Variants in HSD17B13 observed in about 807,000 individuals in gnomAD.
The protein encoded by HSD17B13 is 17-beta-hydroxysteroid dehydrogenase 13.
In HSD17B13, 26 loss-of-function variants were observed where a neutral mutation model predicts 31.1. The observed-to-expected ratio is 0.84, with a 90% CI of 0.61 to 1.16. The LOEUF is 1.16. Among genes scored for constraint, HSD17B13 ranks in the 50% most tolerant of loss-of-function variants. The pLI, the probability that HSD17B13 is intolerant of heterozygous loss-of-function variation, is 0.00. For missense variants in HSD17B13, 374 were observed against 366.5 expected, an observed-to-expected ratio of 1.02 and a Z score of -0.17; for synonymous variants, 141 against 133.7, an observed-to-expected ratio of 1.05 and a Z score of -0.38.
intron 6 of HSD17B13, among the ~76,000 whole-genome samples, chr4:87,307,256 A>C (rs1734410526): frequency 6.6e-6 from 1 of 152,226 alleles, no homozygotes. Flanking sequence ...CCTGTTGCCT[A>C]GTTACAAACC....
chr4:87,314,019 T>C, intron 4 of HSD17B13, 59 bp from the exon 5 acceptor site: 10 of 1,352,148 alleles, frequency 7.4e-6, no homozygotes, highest in Non-Finnish European at 9.8e-6. Flanking sequence ...TCCTCAGCTT[T>C]CTGTGAGAAG....
intron 1 of HSD17B13, 112 bp from the exon 2 acceptor site, chr4:87,318,548 C>G (rs1364878084): frequency 2.5e-6 from 2 of 813,034 alleles, no homozygotes; most frequent in Non-Finnish European, 4.1e-6. Flanking sequence ...GCCTGTAATC[C>G]CAGCACTTTG....
At chr4:87,315,948 T>G (rs1175923027) in intron 3 of HSD17B13, among the ~76,000 whole-genome samples, 2 of 152,172 alleles carry the variant, frequency 1.3e-5, no homozygotes, top group East Asian at 3.9e-4. Flanking sequence ...TGTCATATAA[T>G]TTTTTGGTTT....
intron 1 of HSD17B13, among the ~76,000 whole-genome samples, chr4:87,320,547 T>C (rs1038000742): frequency 4.6e-5 from 7 of 151,856 alleles, no homozygotes; most frequent in Admixed American, 1.3e-4. Flanking sequence ...CCACTACGCC[T>C]GGCTAATTTT....
chr4:87,305,947 A>G (rs1734380842), intron 6 of HSD17B13, among the ~76,000 whole-genome samples: 1 of 152,222 alleles, frequency 6.6e-6, no homozygotes. Context: ...AATCGTAACC[A>G]TGCATTAAAA....
chr4:87,316,001 C>T (rs1734642191), intron 3 of HSD17B13, among the ~76,000 whole-genome samples: 1 of 152,110 alleles, frequency 6.6e-6, no homozygotes, highest in Admixed American at 6.6e-5. Context: ...TCTTGTGTAA[C>T]TGTATTAAGA....
chr4:87,317,644 T>TGTGA (rs1177593441), intron 2 of HSD17B13, among the ~76,000 whole-genome samples: 1 of 145,076 alleles, frequency 6.9e-6, no homozygotes, highest in Non-Finnish European at 1.5e-5. Flanking sequence ...CTTGGTCTCA[T>TGTGA]GTGATCCTTC....
intron 6 of HSD17B13, among the ~76,000 whole-genome samples, chr4:87,309,416 C>T (rs900566226): frequency 8.2e-5 from 12 of 147,016 alleles, no homozygotes; most frequent in African/African-American, 3.0e-4. Flanking sequence ...AAAAAGAACC[C>T]GTGAAATACT....
Position 87,305,229 on chromosome 4 carries a change from T to C in HSD17B13, c.892A>G (p.Lys298Glu). Residue 298 changes from lysine (K) to glutamate (E), a missense_variant, in exon 7 of 7, where the codon AAA becomes GAA. Lys to Glu is a moderately conservative substitution (Grantham distance 56). Transcript: ENST00000328546. Reference protein sequence around the residue: ...QFEAVVGHKIKMK With the variant: ...QFEAVVGHKIEMK Reference sequence around the variant, plus strand: ...TGGAGCTTATTTATTCATTTCATTTTGATTTTGTGGCCAACCACTGCTTCA... The same window carrying C: ...TGGAGCTTATTTATTCATTTCATTTCGATTTTGTGGCCAACCACTGCTTCA... 1 of 1,602,988 alleles carries C rather than the reference T, an allele frequency of 6.2e-7. No individual in the cohort carries two copies. The highest frequency in any genetic ancestry group is 8.5e-7 in the Non-Finnish European group (1 of 1,173,702).
intron 5 of HSD17B13, among the ~76,000 whole-genome samples, chr4:87,311,327 T>G (rs1374777703): frequency 6.6e-6 from 1 of 152,210 alleles, no homozygotes; most frequent in Non-Finnish European, 1.5e-5. Context: ...ACTCCTTTAC[T>G]TTCCTAATAA....
In HSD17B13 at chr4:87,322,732, T is replaced by A. The variant is rs201312897; in HGVS notation, c.110A>T (p.Glu37Val). 2.9e-5 allele frequency: 46 copies of A among 1,613,720 alleles called. 1 individual carries two copies. The East Asian group carries it at 6.0e-4, about 21-fold the overall frequency. Reference sequence around the variant, plus strand: ...CCCAGCTCCAGTAATGAGAACAATCTCCCCAGCCACAGATTTTCTCCTCTG... The same window carrying A: ...CCCAGCTCCAGTAATGAGAACAATCACCCCAGCCACAGATTTTCTCCTCTG... ...IPQRRKSVAGEIVLITGAGHG... is the reference protein window; with the variant it reads ...IPQRRKSVAGVIVLITGAGHG... The change falls in exon 1 of 7, where the codon GAG (glutamate) becomes GTG (valine). Residue 37 changes from glutamate to valine, a missense_variant. Transcript: ENST00000328546.
At chr4:87,316,742 G>A (rs1247774855) in intron 3 of HSD17B13, among the ~76,000 whole-genome samples, 1 of 152,208 alleles carries the variant, frequency 6.6e-6, no homozygotes, top group Non-Finnish European at 1.5e-5. Flanking sequence ...TCATGGTGTG[G>A]AGGGAAAAAA....
At chr4:87,306,905 TAAAAA>T (rs67775053) in intron 6 of HSD17B13, among the ~76,000 whole-genome samples, 2 of 44,286 alleles carry the variant, frequency 4.5e-5, no homozygotes, top group African/African-American at 1.2e-4. Context: ...AGACCCAATC[TAAAAA>T]AAAAAAAAAA....
intron 5 of HSD17B13, among the ~76,000 whole-genome samples, chr4:87,312,674 C>A (rs941635432): frequency 6.6e-6 from 1 of 151,084 alleles, no homozygotes; most frequent in East Asian, 2.0e-4. Context: ...GGACTACAGG[C>A]GCCCGCCACC....
chr4:87,321,963 G>A (rs1365359022), intron 1 of HSD17B13, among the ~76,000 whole-genome samples: 2 of 152,134 alleles, frequency 1.3e-5, no homozygotes, highest in Non-Finnish European at 2.9e-5. Context: ...CAAGATTTCA[G>A]TTCCTTCAGT....
intron 6 of HSD17B13, among the ~76,000 whole-genome samples, chr4:87,306,726 G>A (rs751081597): frequency 1.3e-5 from 2 of 151,898 alleles, no homozygotes; most frequent in Non-Finnish European, 2.9e-5. Flanking sequence ...CCAACATGGT[G>A]AAACCCTGTC....
At chr4:87,305,429 G>A (rs150133418) in intron 6 of HSD17B13, 121 bp from the exon 7 acceptor site, 176 of 494,766 alleles carry the variant, frequency 3.6e-4, no homozygotes, top group African/African-American at 3.2e-3. Flanking sequence ...ACTTTCCTCC[G>A]TTCTTTTCTT....
chr4:87,319,554 G>C (rs1734733493), intron 1 of HSD17B13, among the ~76,000 whole-genome samples: 1 of 152,240 alleles, frequency 6.6e-6, no homozygotes, highest in South Asian at 2.1e-4. Flanking sequence ...TTCTAAACTA[G>C]TGGTAATGGT....
chr4:87,318,309 T>C lies in HSD17B13; in HGVS notation c.318+20A>G, dbSNP rs1198205285. ...AGGAAACAAAATAATCTGAAGAAATTTGTGAACCTGCAGTCTCACCTGATT... is the reference window on the plus strand; with the variant it reads ...AGGAAACAAAATAATCTGAAGAAATCTGTGAACCTGCAGTCTCACCTGATT... On this transcript the variant is annotated intron_variant, in intron 2 of 6. Transcript: ENST00000328546. 2 of 1,557,278 alleles carry C rather than the reference T, an allele frequency of 1.3e-6. No homozygotes were observed. Among genetic ancestry groups the C allele is most frequent in the Non-Finnish European group, 1.8e-6 (2 of 1,128,236 alleles).
Sources: allele counts gnomAD v4.1 joint callset (sites outside exome capture counted in the v4.1 genomes callset), GRCh38; gene constraint gnomAD v4.1.1; transcripts MANE v1.5; gene names NCBI Gene and HGNC (gene_info 2026-07-23, HGNC 2026-07-21).